KCNQ4: variants seen among roughly 807,000 people sequenced by gnomAD.
KCNQ4 encodes potassium voltage-gated channel subfamily Q member 4.
KCNQ4 carries 31 observed loss-of-function variants against 72.6 expected under a neutral mutation model. That is an observed-to-expected ratio of 0.43 (90% CI 0.32 to 0.58). The LOEUF is 0.58. KCNQ4 is among the 20% of genes least tolerant of loss of function. The pLI, the probability that KCNQ4 is intolerant of heterozygous loss-of-function variation, is 0.08. For missense variants in KCNQ4, 869 were observed against 962.6 expected (o/e 0.90, Z 1.29); for synonymous variants, 405 against 403.7 (o/e 1.00, Z -0.04).
chr1:40,810,054 C>T (rs1371455230), intron 1 of KCNQ4, among the ~76,000 whole-genome samples: 9 of 25,554 alleles, frequency 3.5e-4, no homozygotes, highest in Admixed American at 3.3e-3. Flanking sequence ...AGTGAGACTC[C>T]GTCTCAAAAA....
chr1:40,833,610 G>A (rs897360007), intron 11 of KCNQ4, among the ~76,000 whole-genome samples: 2 of 151,970 alleles, frequency 1.3e-5, no homozygotes, highest in African/African-American at 4.8e-5. Context: ...TCTAGCTCCA[G>A]AAACCCCCTC....
intron 1 of KCNQ4, among the ~76,000 whole-genome samples, chr1:40,793,282 C>A (rs1647323670): frequency 6.6e-6 from 1 of 152,156 alleles, no homozygotes; most frequent in Non-Finnish European, 1.5e-5. Flanking sequence ...TGGCTGCCTG[C>A]TGGGCCCTTC....
chr1:40,824,287 TCTTG>T, intron 9 of KCNQ4, 29 bp downstream of exon 9: 2 of 1,595,612 alleles, frequency 1.3e-6, no homozygotes, highest in Non-Finnish European at 1.7e-6. Flanking sequence ...TGCCACCTCC[TCTTG>T]CTTCTCCTCC....
chr1:40,824,008 C>A, intron 8 of KCNQ4, 89 bp from the exon 9 acceptor site: 2 of 1,461,156 alleles, frequency 1.4e-6, no homozygotes, highest in South Asian at 1.2e-5. Context: ...CAGGACCTGG[C>A]AAGATCTGAG....
chr1:40,819,451 C>T lies in KCNQ4; in HGVS notation c.813C>T (p.Ala271=), dbSNP rs775122297. The T allele has an allele frequency of 3.7e-6, 6 of 1,613,758 alleles. No individual in the cohort carries two copies. The highest frequency in any genetic ancestry group is 5.1e-6 in the Non-Finnish European group (6 of 1,179,902). The change falls in exon 5 of 14, where the codon GCC becomes GCT. Residue 271 remains alanine (A), a synonymous_variant. Transcript: ENST00000347132. ...KDANSDFSSY[A]DSLWWGTITL... ...CCAACTCCGACTTCTCCTCCTACGC[C>T]GACTCGCTCTGGTGGGGGACGGTGC...
intron 1 of KCNQ4, among the ~76,000 whole-genome samples, chr1:40,799,463 C>A (rs1007180780): frequency 1.3e-5 from 2 of 151,990 alleles, no homozygotes; most frequent in Non-Finnish European, 2.9e-5. Context: ...TAAACACTGC[C>A]GTCGCCTGGG....
intron 12 of KCNQ4, among the ~76,000 whole-genome samples, chr1:40,837,023 C>T (rs1648821299): frequency 6.6e-6 from 1 of 151,986 alleles, no homozygotes; most frequent in Non-Finnish European, 1.5e-5. Context: ...GTCACATTCC[C>T]ACGTGTCTCC....
rs186298645 is a variant in KCNQ4 at position 40,793,240 on chromosome 1, C to T, written c.314+8833C>T. On this transcript the variant is annotated intron_variant, in intron 1 of 13. Transcript: ENST00000347132. ...GCTGATCTCCAACTCCTGGCTCCAG[C>T]GATCCTCCCACGGTGGCCTCGGGAG... Among the ~76,000 whole-genome samples, 8 of 151,936 alleles carry T rather than the reference C, an allele frequency of 5.3e-5. No homozygotes were observed. The East Asian group carries it at 1.6e-3, about 30-fold the overall frequency.
At position 40,817,417 on chromosome 1, in the gene KCNQ4, T is replaced by A. The variant is rs1251194337; in HGVS notation, c.405+62T>A. The A allele has an allele frequency of 2.3e-6, 3 of 1,304,246 alleles. No homozygotes were observed. The African/African-American group carries it at 4.5e-5, about 20-fold the overall frequency. 80.8% of individuals were successfully genotyped at this position (1,304,246 alleles called of 1,614,324 possible). A position where few individuals can be genotyped will look rare whatever the true frequency, so the allele number is the denominator to read the frequency against. ...TGAGGTAGCACCTCTGGGCTGGGAGTCCGGGACTGAGGGGGGCTGTGTGAG... is the reference window on the plus strand; with the variant it reads ...TGAGGTAGCACCTCTGGGCTGGGAGACCGGGACTGAGGGGGGCTGTGTGAG... On this transcript the variant is annotated intron_variant, in intron 2 of 13. Transcript: ENST00000347132. The surrounding 1 kb of genome is among the most constrained non-coding windows in gnomAD (Gnocchi z 5.5).
intron 9 of KCNQ4, among the ~76,000 whole-genome samples, chr1:40,827,523 G>A (rs76045443): frequency 2.1e-3 from 323 of 152,302 alleles, no homozygotes; most frequent in East Asian, 0.013. Context: ...GGGTCATGCA[G>A]AACCTAAAAG....
rs1172194398 is a variant in KCNQ4, at chr1:40,838,215, T to G, written c.1876-96T>G. 2.8e-6 allele frequency: 3 copies of G among 1,060,076 alleles called. No individual in the cohort carries two copies. In the East Asian group the frequency reaches 7.4e-5, roughly 26 times the overall value. 65.7% of individuals were successfully genotyped at this position (1,060,076 alleles called of 1,614,324 possible). On this transcript the variant is annotated intron_variant, in intron 13 of 13. Coordinates refer to ENST00000347132, the MANE Select transcript of KCNQ4 (RefSeq NM_004700.4). ...TGCTTCCCAGATAAGCCCCGCCCACTCCACCGGCTAGGGTCCGCCCCGAGA... is the reference window on the plus strand; with the variant it reads ...TGCTTCCCAGATAAGCCCCGCCCACGCCACCGGCTAGGGTCCGCCCCGAGA...
At chr1:40,804,369 A>G (rs1306653614) in intron 1 of KCNQ4, among the ~76,000 whole-genome samples, 1 of 152,172 alleles carries the variant, frequency 6.6e-6, no homozygotes, top group Non-Finnish European at 1.5e-5. Flanking sequence ...TCTGTCTCTG[A>G]TCTACTGTAT....
chr1:40,835,108 C>T lies in KCNQ4; in HGVS notation c.1745+10C>T. On this transcript the variant is annotated intron_variant, in intron 12 of 13. Coordinates refer to ENST00000347132, the MANE Select transcript of KCNQ4 (RefSeq NM_004700.4). ...AGAGCCTGCAAACTCGGTGGGTGCA[C>T]CGGGCCTGTTGGGAGGCAGGGGCAG... 1 of 1,612,188 alleles carries T rather than the reference C, an allele frequency of 6.2e-7. No homozygotes were observed. Among genetic ancestry groups the T allele is most frequent in the South Asian group, 1.1e-5 (1 of 91,046 alleles).
chr1:40,834,610 A>C (rs1380676249), intron 11 of KCNQ4, among the ~76,000 whole-genome samples: 2 of 151,050 alleles, frequency 1.3e-5, no homozygotes, highest in Non-Finnish European at 2.9e-5. Flanking sequence ...AAAAAAAAAA[A>C]CAGAGTTATT....
At chr1:40,807,426 TGGC>T (rs1647796773) in intron 1 of KCNQ4, among the ~76,000 whole-genome samples, 1 of 152,190 alleles carries the variant, frequency 6.6e-6, no homozygotes. Context: ...GCAGCGGCAG[TGGC>T]GGCGGCCCTG....
At chr1:40,811,069 C>T (rs928967496) in intron 1 of KCNQ4, among the ~76,000 whole-genome samples, 8 of 152,136 alleles carry the variant, frequency 5.3e-5, no homozygotes, top group African/African-American at 9.7e-5. Flanking sequence ...GCCTCTGAAC[C>T]GCCCTCTCCT....
chr1:40,818,934 C>G (rs965841737), intron 4 of KCNQ4: 1 of 606,750 alleles, frequency 1.6e-6, no homozygotes, highest in African/African-American at 1.9e-5. Flanking sequence ...TTGAGGGTTT[C>G]CCCTGGATGC....
chr1:40,824,204 C>T lies in KCNQ4; in HGVS notation c.1238C>T (p.Pro413Leu), dbSNP rs1399019578. Residue 413 changes from proline (P) to leucine (L), a missense_variant, in exon 9 of 14, where the codon CCG (proline) becomes CTG (leucine). Physicochemically the swap from Pro to Leu is moderately conservative, Grantham distance 98. Transcript: ENST00000347132. The stretch of plus-strand genomic sequence containing the variant: ...CCCGACGGAGCACCCTCCCGTTACC[C>T]GCCCGTTGCCACCTGCCACCGGCCG... ...PVPDGAPSRY[P>L]PVATCHRPGS... 5.0e-6 allele frequency: 8 copies of T among 1,600,094 alleles called. No individual in the cohort carries two copies. The highest frequency in any genetic ancestry group is 1.1e-5 in the South Asian group (1 of 88,992).
chr1:40,809,075 C>T (rs1647850476), intron 1 of KCNQ4, among the ~76,000 whole-genome samples: 1 of 152,304 alleles, frequency 6.6e-6, no homozygotes, highest in Admixed American at 6.5e-5. Flanking sequence ...TTTTTCACGC[C>T]TTATCTCACT....
Sources: gnomAD v4.1 joint callset for allele counts (sites outside exome capture counted in the v4.1 genomes callset) on GRCh38, gnomAD v4.1.1 for gene constraint, Gnocchi (gnomAD v3.1) non-coding constraint, MANE v1.5 for transcripts, NCBI Gene and HGNC (gene_info 2026-07-23, HGNC 2026-07-21) for gene names.